Variants in KIAA0232 observed in about 807,000 individuals in gnomAD.
KIAA0232 encodes the protein KIAA0232.
Under a neutral mutation model 122.0 loss-of-function variants are expected in KIAA0232, and 27 were observed. The ratio of observed to expected loss-of-function variants is 0.22; its 90% CI spans 0.16 to 0.31. The LOEUF (loss-of-function observed/expected upper bound fraction) is 0.31, where lower values mean the gene tolerates loss of function less well. Ranked by LOEUF, KIAA0232 falls within the 10% of genes least tolerant of loss-of-function variation. The pLI, the probability that KIAA0232 is intolerant of heterozygous loss-of-function variation, is 1.00. For synonymous variants in KIAA0232, 613 were observed against 587.6 expected (o/e 1.04, Z -0.63); for missense variants, 1,551 against 1,634.2 (o/e 0.95, Z 0.88).
At chr4:6,846,374 G>A (rs1443518842) in intron 4 of KIAA0232, among the ~76,000 whole-genome samples, 1 of 152,190 alleles carries the variant, frequency 6.6e-6, no homozygotes, top group African/African-American at 2.4e-5. Context: ...CTGCACAGCA[G>A]GAGGTGAACA....
chr4:6,871,842 A>G (rs958403292), intron 8 of KIAA0232, among the ~76,000 whole-genome samples, 160 bp downstream of exon 8: 6 of 152,222 alleles, frequency 3.9e-5, no homozygotes, highest in African/African-American at 1.4e-4. Context: ...AGGAATGAGA[A>G]CTGGGCCCTG....
chr4:6,859,510 G>T (rs1293219038), intron 6 of KIAA0232, among the ~76,000 whole-genome samples: 1 of 152,098 alleles, frequency 6.6e-6, no homozygotes, highest in Non-Finnish European at 1.5e-5. Context: ...AAAAAGTAAA[G>T]TATTAAACAT....
chr4:6,817,467 G>A (rs1397240464), intron 2 of KIAA0232, among the ~76,000 whole-genome samples: 5 of 152,064 alleles, frequency 3.3e-5, no homozygotes, highest in African/African-American at 7.2e-5. Context: ...CGCCTGCCTC[G>A]GCCTCCCAAA....
chr4:6,810,389 A>T (rs1303835524), intron 2 of KIAA0232, among the ~76,000 whole-genome samples: 1 of 152,212 alleles, frequency 6.6e-6, no homozygotes, highest in Non-Finnish European at 1.5e-5. Flanking sequence ...TAAGAATGAA[A>T]TTGGACCCCA....
At position 6,863,839 on chromosome 4, in the gene KIAA0232, C is replaced by G. The variant is rs1321709639; in HGVS notation, c.3457C>G (p.Pro1153Ala). 6.2e-7 allele frequency: 1 copy of G among 1,613,928 alleles called. No homozygotes were observed. ...IFEDPQADLK[P>A]LEEDAEKEGH... ...TGAAGATCCGCAGGCAGATCTCAAA[C>G]CTTTGGAAGAAGATGCAGAGAAAGA... The change falls in exon 7 of 10, where the codon CCT becomes GCT. Residue 1153 changes from proline (P) to alanine (A), a missense_variant. Pro to Ala is a conservative substitution (Grantham distance 27, BLOSUM62 -1). Transcript: ENST00000307659.
At chr4:6,813,351 G>GTTTTTTTT (rs539648260) in intron 2 of KIAA0232, among the ~76,000 whole-genome samples, 6 of 140,700 alleles carry the variant, frequency 4.3e-5, no homozygotes, top group Admixed American at 1.4e-4. Flanking sequence ...ACTTAGATCT[G>GTTTTTTTT]TTTTTTTTTT....
At chr4:6,851,474 G>C (rs190357736) in intron 4 of KIAA0232, among the ~76,000 whole-genome samples, 163 of 152,252 alleles carry the variant, frequency 1.1e-3, no homozygotes, top group African/African-American at 3.8e-3. Context: ...TTGAGAAGCT[G>C]AGGCGGGTGG....
chr4:6,875,895 T>C (rs1461556851), intron 8 of KIAA0232, among the ~76,000 whole-genome samples: 1 of 152,112 alleles, frequency 6.6e-6, no homozygotes, highest in East Asian at 1.9e-4. Context: ...TGCATTAGAA[T>C]TGCCTGGGAG....
At chr4:6,802,420 G>T (rs1717423763) in intron 1 of KIAA0232, among the ~76,000 whole-genome samples, 1 of 152,188 alleles carries the variant, frequency 6.6e-6, no homozygotes, top group African/African-American at 2.4e-5. Flanking sequence ...ATCACAGCGT[G>T]CCATGGTTGG....
Position 6,851,722 on chromosome 4 carries a change from T to TAAAAAAAAAAA in KIAA0232, c.370-5432_370-5422dup, listed in dbSNP as rs74937263. ...CAGAGCAAGATCCTATCTCAAAAAT[T>TAAAAAAAAAAA]AAAAAAAAAAAAAAAAAAAAGCGGG... On this transcript the variant is annotated intron_variant, in intron 4 of 9. Coordinates refer to ENST00000307659, the MANE Select transcript of KIAA0232 (RefSeq NM_014743.3). Among the ~76,000 whole-genome samples, 114 of 97,208 alleles carry TAAAAAAAAAAA rather than the reference T, an allele frequency of 1.2e-3. 1 individual carries two copies. Among genetic ancestry groups the TAAAAAAAAAAA allele is most frequent in the African/African-American group, 4.4e-3 (103 of 23,448 alleles). 63.8% of individuals were successfully genotyped at this position (97,208 alleles called of 152,430 possible). A position where few individuals can be genotyped will look rare whatever the true frequency, so the allele number is the denominator to read the frequency against.
chr4:6,806,737 C>CAAA (rs34146483), intron 2 of KIAA0232, among the ~76,000 whole-genome samples: 26 of 47,662 alleles, frequency 5.5e-4, no homozygotes, highest in African/African-American at 1.9e-3. Context: ...GACTCCCTCT[C>CAAA]AAAAAAAAAA....
intron 2 of KIAA0232, among the ~76,000 whole-genome samples, chr4:6,820,496 A>G (rs963728649): frequency 6.6e-5 from 10 of 152,312 alleles, no homozygotes; most frequent in South Asian, 2.1e-4. Context: ...GGTCATTTAC[A>G]TTCATTATTA....
rs760447263 is a variant in KIAA0232, at chr4:6,863,856, A to G, written c.3474A>G (p.Ala1158=). 1.9e-6 allele frequency: 3 copies of G among 1,614,210 alleles called. No individual in the cohort carries two copies. Among genetic ancestry groups the G allele is most frequent in the Non-Finnish European group, 2.5e-6 (3 of 1,180,034 alleles). Residue 1158 remains alanine (A), a synonymous_variant, in exon 7 of 10, where the codon GCA becomes GCG. Coordinates refer to ENST00000307659, the MANE Select transcript of KIAA0232 (RefSeq NM_014743.3). Reference sequence around the variant, plus strand: ...ATCTCAAACCTTTGGAAGAAGATGCAGAGAAAGAAGGCCATTACTATGGAA... The same window carrying G: ...ATCTCAAACCTTTGGAAGAAGATGCGGAGAAAGAAGGCCATTACTATGGAA... ...QADLKPLEED[A]EKEGHYYGKS...
chr4:6,878,031 A>G (rs1449808795), intron 9 of KIAA0232, among the ~76,000 whole-genome samples: 2 of 152,214 alleles, frequency 1.3e-5, no homozygotes, highest in African/African-American at 2.4e-5. Context: ...CCCAAACCCA[A>G]GTACTATTAC....
At chr4:6,840,107 A>T (rs1385325220) in intron 3 of KIAA0232, among the ~76,000 whole-genome samples, 1 of 152,102 alleles carries the variant, frequency 6.6e-6, no homozygotes, top group Non-Finnish European at 1.5e-5. Context: ...GTTAGGTTTG[A>T]TTCAGAGCTT....
rs1717784185 is a variant in KIAA0232 at position 6,809,599 on chromosome 4, A to G, written c.-270+4993A>G. On this transcript the variant is annotated intron_variant, in intron 2 of 9. Coordinates refer to ENST00000307659, the MANE Select transcript of KIAA0232 (RefSeq NM_014743.3). ...GTAAGAGAAATTAAGCAAGAGAAAGAAATAAAAGGCATCCAAATTAGAAAA... is the reference window on the plus strand; with the variant it reads ...GTAAGAGAAATTAAGCAAGAGAAAGGAATAAAAGGCATCCAAATTAGAAAA... Among the ~76,000 whole-genome samples, 3 of 151,732 alleles carry G rather than the reference A, an allele frequency of 2.0e-5. No homozygotes were observed. In the South Asian group the frequency reaches 6.2e-4, roughly 32 times the overall value.
At chr4:6,865,661 C>T (rs1377476305) in intron 7 of KIAA0232, among the ~76,000 whole-genome samples, 1 of 152,198 alleles carries the variant, frequency 6.6e-6, no homozygotes, top group Non-Finnish European at 1.5e-5. Flanking sequence ...GGCCAGAGAG[C>T]AGATGAGTGT....
chr4:6,793,604 A>G (rs1469622430), intron 1 of KIAA0232, among the ~76,000 whole-genome samples: 1 of 150,244 alleles, frequency 6.7e-6, no homozygotes, highest in Admixed American at 6.7e-5. Context: ...GTTCAATTGA[A>G]TAAGAGATTC....
intron 8 of KIAA0232, among the ~76,000 whole-genome samples, chr4:6,872,855 T>C (rs1721566366): frequency 6.6e-6 from 1 of 152,236 alleles, no homozygotes; most frequent in Non-Finnish European, 1.5e-5. Context: ...GCATGGGCTA[T>C]AGCTGATGGG....
Sources: allele counts gnomAD v4.1 joint callset (sites outside exome capture counted in the v4.1 genomes callset), GRCh38; gene constraint gnomAD v4.1.1; transcripts MANE v1.5; gene names NCBI Gene and HGNC (gene_info 2026-07-23, HGNC 2026-07-21).